The following CALD1 variants were observed in gnomAD, a reference collection of about 807,000 sequenced individuals.
The protein encoded by CALD1 is caldesmon 1.
A neutral mutation model predicts 99.9 loss-of-function variants in CALD1; 33 were observed. The observed-to-expected ratio is 0.33, with a 90% CI of 0.25 to 0.44. The LOEUF is 0.44. Among genes scored for constraint, CALD1 ranks in the 20% least tolerant of loss-of-function variants. The pLI, the probability that CALD1 is intolerant of heterozygous loss-of-function variation, is 1.00. For synonymous variants in CALD1, 310 were observed against 325.0 expected (o/e 0.95, Z 0.50); for missense variants, 861 against 962.1 (o/e 0.89, Z 1.39).
At chr7:134,957,843 C>G (rs1209323953) in intron 9 of CALD1, among the ~76,000 whole-genome samples, 1 of 148,832 alleles carries the variant, frequency 6.7e-6, no homozygotes, top group Non-Finnish European at 1.5e-5. Flanking sequence ...TTTTTTTACA[C>G]GTTTTCTCTA....
chr7:134,839,046 G>A (rs1202087771), intron 1 of CALD1, among the ~76,000 whole-genome samples: 1 of 152,138 alleles, frequency 6.6e-6, no homozygotes, highest in Non-Finnish European at 1.5e-5. Context: ...AATACTACTT[G>A]CATTCAGAAG....
intron 1 of CALD1, among the ~76,000 whole-genome samples, chr7:134,811,885 A>AT (rs3837074): frequency 5.9e-5 from 9 of 151,422 alleles, no homozygotes; most frequent in Non-Finnish European, 7.4e-5. Context: ...AATATGTGCT[A>AT]TTTTTTTTTC....
intron 2 of CALD1, among the ~76,000 whole-genome samples, chr7:134,846,996 T>C (rs1438594810): frequency 6.6e-6 from 1 of 152,220 alleles, no homozygotes; most frequent in African/African-American, 2.4e-5. Flanking sequence ...TTCCAATGAA[T>C]GATGGCCAGT....
chr7:134,838,735 T>A (rs1320048919), intron 1 of CALD1, among the ~76,000 whole-genome samples: 1 of 152,240 alleles, frequency 6.6e-6, no homozygotes, highest in Non-Finnish European at 1.5e-5. Context: ...CATTGATTTG[T>A]ATTATCTTAT....
chr7:134,951,971 T>C (rs920520459), intron 9 of CALD1, among the ~76,000 whole-genome samples: 2 of 152,206 alleles, frequency 1.3e-5, no homozygotes, highest in Non-Finnish European at 1.5e-5. Context: ...AGCTAGGTTA[T>C]AAAGCATCAA....
At chr7:134,752,233 G>C (rs1796691491) in intron 1 of CALD1, among the ~76,000 whole-genome samples, 1 of 152,160 alleles carries the variant, frequency 6.6e-6, no homozygotes, top group Non-Finnish European at 1.5e-5. Flanking sequence ...TTTCATATAG[G>C]CTAAGTAGAG....
intron 1 of CALD1, among the ~76,000 whole-genome samples, chr7:134,804,368 T>G (rs1466044955): frequency 4.6e-5 from 7 of 152,252 alleles, no homozygotes; most frequent in African/African-American, 1.7e-4. Context: ...CTGACAGGAA[T>G]GTCAAACCCT....
chr7:134,725,099 C>T, the CALD1 span, among the ~76,000 whole-genome samples: 1 of 152,158 alleles, frequency 6.6e-6, no homozygotes, highest in Non-Finnish European at 1.5e-5. Context: ...AGGGATTGCT[C>T]CTGACAGCCA....
At chr7:134,948,006 T>TTTGTTA (rs2133127629) in intron 8 of CALD1, 1 of 405,000 alleles carries the variant, frequency 2.5e-6, no homozygotes, top group East Asian at 3.9e-5. Context: ...ACAGAGAGGT[T>TTTGTTA]TTGTTTTTGT....
At chr7:134,897,393 T>A (rs1802653716) in intron 3 of CALD1, among the ~76,000 whole-genome samples, 1 of 148,058 alleles carries the variant, frequency 6.8e-6, no homozygotes, top group African/African-American at 2.5e-5. Flanking sequence ...TATATAAATA[T>A]ATATATATAT....
intron 3 of CALD1, among the ~76,000 whole-genome samples, chr7:134,884,445 T>C (rs973340878): frequency 3.3e-5 from 5 of 152,092 alleles, no homozygotes; most frequent in Admixed American, 2.6e-4. Flanking sequence ...GCTTGGGGAA[T>C]GGGAGGTGCC....
intron 3 of CALD1, among the ~76,000 whole-genome samples, chr7:134,914,972 T>C (rs1298545364): frequency 6.6e-6 from 1 of 152,254 alleles, no homozygotes; most frequent in African/African-American, 2.4e-5. Context: ...GTTTCTGCCC[T>C]CACTGGCTTG....
At chr7:134,797,205 G>A (rs926839645) in intron 1 of CALD1, among the ~76,000 whole-genome samples, 3 of 152,098 alleles carry the variant, frequency 2.0e-5, no homozygotes, top group African/African-American at 4.8e-5. Context: ...AACTGGTTTC[G>A]AACTCTAGGG....
At chr7:134,765,033 C>T (rs951881927) in intron 1 of CALD1, among the ~76,000 whole-genome samples, 40 of 152,112 alleles carry the variant, frequency 2.6e-4, no homozygotes, top group African/African-American at 9.7e-4. Context: ...AAACAAAGTT[C>T]AGGCTGGGCG....
At chr7:134,899,814 A>T (rs1408152843) in intron 3 of CALD1, 1 of 151,884 alleles carries the variant, frequency 6.6e-6, no homozygotes, top group Non-Finnish European at 1.5e-5. Flanking sequence ...TAGTTAATTT[A>T]AAAATTTTTT....
intron 1 of CALD1, among the ~76,000 whole-genome samples, chr7:134,749,871 A>C (rs1562988335): frequency 6.6e-6 from 1 of 152,174 alleles, no homozygotes; most frequent in Non-Finnish European, 1.5e-5. Flanking sequence ...GGGATACACA[A>C]AACAGGTTCT....
chr7:134,779,205 T>C (rs1220702481), upstream of CALD1, among the ~76,000 whole-genome samples: 1 of 152,220 alleles, frequency 6.6e-6, no homozygotes, highest in Non-Finnish European at 1.5e-5. Context: ...TGTTAACTTT[T>C]TGTTTCAGAG....
At chr7:134,717,492 G>T in the CALD1 span, among the ~76,000 whole-genome samples, 19 of 152,314 alleles carry the variant, frequency 1.2e-4, no homozygotes, top group Non-Finnish European at 2.2e-4. Flanking sequence ...CCAACTAAAT[G>T]TACCTGCTTT....
chr7:134,797,753 G>A (rs897714937), intron 1 of CALD1, among the ~76,000 whole-genome samples: 5 of 151,910 alleles, frequency 3.3e-5, no homozygotes, highest in Admixed American at 6.6e-5. Context: ...CCACCACACC[G>A]GCTAATTTTT....
Sources: allele counts gnomAD v4.1 joint callset (sites outside exome capture counted in the v4.1 genomes callset), GRCh38; gene constraint gnomAD v4.1.1; transcripts MANE v1.5; gene names NCBI Gene and HGNC (gene_info 2026-07-23, HGNC 2026-07-21).